The following KDM6A variants were observed in gnomAD, a reference collection of about 807,000 sequenced individuals.
The protein encoded by KDM6A is lysine demethylase 6A.
Under a neutral mutation model 117.6 loss-of-function variants are expected in KDM6A, and 11 were observed. The observed-to-expected ratio is 0.09, with a 90% confidence interval of 0.06 to 0.15. The LOEUF (loss-of-function observed/expected upper bound fraction) is 0.15, where lower values mean the gene tolerates loss of function less well. Ranked by LOEUF, KDM6A falls within the 10% of genes least tolerant of loss-of-function variation. The pLI is 1.00. For missense variants in KDM6A, 799 were observed against 1,077.3 expected (o/e 0.74, Z 3.62); for synonymous variants, 384 against 396.1 (o/e 0.97, Z 0.36).
chrX:45,078,622 G>A lies in KDM6A; in HGVS notation c.3094+117G>A, dbSNP rs1483144628. ...CTTTTTTCTTTTTTTTTCTTTTTTT[G>A]TATTTTAATTTTACTTTTTTTTAGT... On this transcript the variant is annotated intron_variant, in intron 20 of 29. Transcript: ENST00000611820. The A allele has an allele frequency of 6.5e-5, 37 of 572,078 alleles. No individual in the cohort carries two copies. In the African/African-American group the frequency reaches 8.7e-4, roughly 13 times the overall value. 47.1% of individuals were successfully genotyped at this position (572,078 alleles called of 1,213,427 possible). A position where few individuals can be genotyped will look rare whatever the true frequency, so the allele number is the denominator to read the frequency against.
At chrX:44,988,900 A>G (rs1033538118) in intron 4 of KDM6A, among the ~76,000 whole-genome samples, 4 of 110,254 alleles carry the variant, frequency 3.6e-5, no homozygotes, top group Non-Finnish European at 5.7e-5. Flanking sequence ...CAGATCTCCA[A>G]CTGCACTGGG....
chrX:44,983,655 C>G (rs1230457425), intron 4 of KDM6A, among the ~76,000 whole-genome samples: 1 of 103,811 alleles, frequency 9.6e-6, no homozygotes, highest in African/African-American at 3.5e-5. Context: ...TGAGTGAGAA[C>G]ATGTGGTGTT....
intron 8 of KDM6A, among the ~76,000 whole-genome samples, chrX:45,049,827 A>G (rs1277906584): frequency 1.8e-5 from 2 of 112,593 alleles, no homozygotes; most frequent in South Asian, 3.6e-4. Context: ...GTTATCATAC[A>G]CAGCACAATA....
At chrX:44,929,463 C>G (rs2036505617) in intron 2 of KDM6A, among the ~76,000 whole-genome samples, 1 of 111,377 alleles carries the variant, frequency 9.0e-6, no homozygotes, top group African/African-American at 3.3e-5. Flanking sequence ...TTATGAGATT[C>G]AGGCATGTTG....
chrX:44,981,018 G>A (rs1300633595), intron 4 of KDM6A, among the ~76,000 whole-genome samples: 2 of 110,899 alleles, frequency 1.8e-5, no homozygotes, highest in African/African-American at 6.6e-5. Context: ...TGAATAGTGT[G>A]AGGATATAGG....
At position 44,902,275 on chromosome X, in the gene KDM6A, G is replaced by T. The variant is rs983158476; in HGVS notation, c.225+28288G>T. Among the ~76,000 whole-genome samples, 9 of 111,727 alleles carry T rather than the reference G, an allele frequency of 8.1e-5. 1 individual carries two copies. In the Admixed American group the frequency reaches 8.5e-4, roughly 11 times the overall value. On this transcript the variant is annotated intron_variant, in intron 2 of 29. Coordinates refer to ENST00000611820, the MANE Select transcript of KDM6A (RefSeq NM_001291415.2). ...TTCTGTCGATCTTTGTCTTTTAATT[G>T]TAAGTGTTTATTTGCATTTTATGTG...
intron 18 of KDM6A, among the ~76,000 whole-genome samples, chrX:45,072,973 T>C (rs990635953): frequency 9.2e-6 from 1 of 109,004 alleles, no homozygotes; most frequent in Non-Finnish European, 1.9e-5. Flanking sequence ...GCTGCACCCA[T>C]CAACCTGTCA....
chrX:45,091,003 CAT>C (rs2045871543), intron 27 of KDM6A, 139 bp downstream of exon 27: 4 of 648,135 alleles, frequency 6.2e-6, no homozygotes, highest in East Asian at 3.4e-5. Flanking sequence ...TGAGAATCCA[CAT>C]GTTAAAAATA....
At chrX:44,914,261 G>T (rs944450792) in intron 2 of KDM6A, among the ~76,000 whole-genome samples, 3 of 112,072 alleles carry the variant, frequency 2.7e-5, no homozygotes, top group Admixed American at 9.5e-5. Flanking sequence ...GGGTCAGCAC[G>T]CCTATCTGCC....
chrX:44,909,402 G>A (rs768507591), intron 2 of KDM6A, among the ~76,000 whole-genome samples: 1 of 111,227 alleles, frequency 9.0e-6, no homozygotes, highest in African/African-American at 3.3e-5. Context: ...ACTCTTATTT[G>A]TATTGTTTAC....
chrX:44,937,166 G>C (rs926192552), intron 2 of KDM6A, among the ~76,000 whole-genome samples: 1 of 109,697 alleles, frequency 9.1e-6, no homozygotes, highest in African/African-American at 3.3e-5. Context: ...TTATGTTTTA[G>C]ATTTTGTAGA....
intron 27 of KDM6A, among the ~76,000 whole-genome samples, chrX:45,094,826 A>G (rs754320494): frequency 9.0e-6 from 1 of 111,495 alleles, no homozygotes; most frequent in Non-Finnish European, 1.9e-5. Context: ...TACAACTGCT[A>G]TATGTTTATT....
chrX:44,953,632 A>G (rs1222886260), intron 2 of KDM6A, among the ~76,000 whole-genome samples: 5 of 111,792 alleles, frequency 4.5e-5, no homozygotes, highest in Non-Finnish European at 5.6e-5. Context: ...CTCCTGGGAA[A>G]TGGAACTGGG....
chrX:44,888,863 G>T (rs2033110483), intron 2 of KDM6A, among the ~76,000 whole-genome samples: 1 of 111,509 alleles, frequency 9.0e-6, no homozygotes, highest in African/African-American at 3.3e-5. Flanking sequence ...TCTCAGGTAT[G>T]AATTGATAAG....
In KDM6A at chrX:45,038,593, TG is replaced by T. The variant is rs746935636; in HGVS notation, c.654+913del. Among the ~76,000 whole-genome samples the T allele has an allele frequency of 7.2e-3, 664 of 91,669 alleles. 10 individuals carry two copies. The highest frequency in any genetic ancestry group is 0.021 in the African/African-American group (499 of 24,237). The allele number at this position is 91,669 out of a possible 115,157, so 79.6% of individuals were successfully genotyped here. A position where few individuals can be genotyped will look rare whatever the true frequency, so the allele number is the denominator to read the frequency against. On this transcript the variant is annotated intron_variant, in intron 8 of 29. Coordinates refer to ENST00000611820, the MANE Select transcript of KDM6A (RefSeq NM_001291415.2). Reference sequence around the variant, plus strand: ...TTGTATGATAAAAGTATAACACATTTGGGGGGGGGTGGTTGGAGGCAAGGGG... The same window carrying T: ...TTGTATGATAAAAGTATAACACATTTGGGGGGGGTGGTTGGAGGCAAGGGG...
chrX:45,045,910 T>C (rs1347415186), intron 8 of KDM6A, among the ~76,000 whole-genome samples: 1 of 104,640 alleles, frequency 9.6e-6, no homozygotes, highest in Admixed American at 1.0e-4. Context: ...CATATGGTAA[T>C]TCTATGTTTA....
At chrX:44,998,230 G>A (rs1569512206) in intron 4 of KDM6A, among the ~76,000 whole-genome samples, 1 of 111,584 alleles carries the variant, frequency 9.0e-6, no homozygotes, top group African/African-American at 3.3e-5. Context: ...AACTAACCTG[G>A]AGAAACATAG....
chrX:45,064,612 C>T (rs1468455144), intron 17 of KDM6A, among the ~76,000 whole-genome samples: 1 of 111,766 alleles, frequency 8.9e-6, no homozygotes, highest in Non-Finnish European at 1.9e-5. Context: ...GATATGGGTA[C>T]TCGCTGAGGT....
intron 10 of KDM6A, among the ~76,000 whole-genome samples, chrX:45,056,021 T>C (rs1222622991): frequency 9.0e-6 from 1 of 111,278 alleles, no homozygotes; most frequent in African/African-American, 3.3e-5. Flanking sequence ...ATCATTTTTT[T>C]CCAGTTAACT....
Sources: gnomAD v4.1 joint callset for allele counts (sites outside exome capture counted in the v4.1 genomes callset) on GRCh38, gnomAD v4.1.1 for gene constraint, MANE v1.5 for transcripts, NCBI Gene and HGNC (gene_info 2026-07-23, HGNC 2026-07-21) for gene names.